NEXMIF: variants seen among roughly 807,000 people sequenced by gnomAD.
The protein encoded by NEXMIF is neurite extension and migration factor.
NEXMIF carries 8 observed loss-of-function variants against 62.1 expected under a neutral mutation model. That is an observed-to-expected ratio of 0.13 (90% confidence interval 0.08 to 0.23). NEXMIF has a LOEUF of 0.23. Ranked by LOEUF, NEXMIF falls within the 10% of genes least tolerant of loss-of-function variation. The pLI, the probability that NEXMIF is intolerant of heterozygous loss-of-function variation, is 1.00. For synonymous variants in NEXMIF, 404 were observed against 416.6 expected (o/e 0.97, Z 0.37); for missense variants, 976 against 1,113.3 (o/e 0.88, Z 1.75).
intron 1 of NEXMIF, among the ~76,000 whole-genome samples, chrX:74,854,638 T>C (rs1166265640): frequency 9.0e-6 from 1 of 111,385 alleles, no homozygotes; most frequent in Non-Finnish European, 1.9e-5. Context: ...AGTCAAACTA[T>C]CCACCTCTGC....
chrX:74,875,958 T>A (rs990165721), intron 1 of NEXMIF, among the ~76,000 whole-genome samples: 2 of 111,677 alleles, frequency 1.8e-5, no homozygotes, highest in African/African-American at 6.5e-5. Flanking sequence ...CCTAGATTCA[T>A]TAATTTTTTG....
intron 1 of NEXMIF, among the ~76,000 whole-genome samples, chrX:74,815,157 G>T (rs945678737): frequency 8.9e-6 from 1 of 112,089 alleles, no homozygotes; most frequent in African/African-American, 3.2e-5. Flanking sequence ...TAATTTTCCA[G>T]CTTCATCAGA....
At position 74,744,235 on chromosome X, in the gene NEXMIF, C is replaced by T. The variant is rs1399619958; in HGVS notation, c.322G>A (p.Gly108Ser). The T allele has an allele frequency of 9.1e-6, 11 of 1,209,542 alleles. No homozygotes were observed. The highest frequency in any genetic ancestry group is 1.2e-5 in the Non-Finnish European group (11 of 895,095). The change falls in exon 3 of 4, where the codon GGC becomes AGC. Residue 108 changes from glycine (G) to serine (S), a missense_variant. By Grantham distance (56) the Gly-to-Ser change is moderately conservative. This residue lies in a region of NEXMIF where 126 missense variants were observed against 146.5 expected (regional missense o/e 0.86). Coordinates refer to ENST00000055682, the MANE Select transcript of NEXMIF (RefSeq NM_001008537.3). The stretch of plus-strand genomic sequence containing the variant: ...TTGGGAAGTGACCATGTGTTCAGGC[C>T]TTTTGCAATGCCAGATGTGAGGGAG... ...AISLTSGIAK[G>S]LNTWSLPNEC...
chrX:74,757,905 C>CTGTTAGCT (rs1297341066), intron 1 of NEXMIF, among the ~76,000 whole-genome samples: 1 of 111,874 alleles, frequency 8.9e-6, no homozygotes, highest in African/African-American at 3.2e-5. Flanking sequence ...TTCATGTTCT[C>CTGTTAGCT]TGTTAGCTTG....
At chrX:74,803,571 AAAATAAATAAAT>A (rs750643080) in intron 1 of NEXMIF, among the ~76,000 whole-genome samples, 5 of 108,773 alleles carry the variant, frequency 4.6e-5, no homozygotes, top group African/African-American at 6.7e-5. Flanking sequence ...CTGTCTCAAA[AAAATAAATAAAT>A]AAATAAATAA....
intron 1 of NEXMIF, among the ~76,000 whole-genome samples, chrX:74,786,425 T>C (rs1308929353): frequency 9.0e-6 from 1 of 111,363 alleles, no homozygotes; most frequent in Non-Finnish European, 1.9e-5. Flanking sequence ...AGATTGGTTT[T>C]TATCATACAT....
At chrX:74,885,314 AAT>A (rs1035821177) in intron 1 of NEXMIF, among the ~76,000 whole-genome samples, 5 of 111,795 alleles carry the variant, frequency 4.5e-5, no homozygotes, top group Non-Finnish European at 7.5e-5. Context: ...AACTGAAGGA[AAT>A]AGAGACACAA....
chrX:74,910,024 G>A (rs1236542395), intron 1 of NEXMIF, among the ~76,000 whole-genome samples: 1 of 112,727 alleles, frequency 8.9e-6, no homozygotes, highest in Non-Finnish European at 1.9e-5. Context: ...AGCCCTCACG[G>A]AGAACCTCTG....
chrX:74,751,104 C>A (rs1228837084), intron 1 of NEXMIF, among the ~76,000 whole-genome samples: 1 of 111,162 alleles, frequency 9.0e-6, no homozygotes, highest in Non-Finnish European at 1.9e-5. Context: ...GTGGCACGTG[C>A]CTGTAGTCCC....
chrX:74,897,299 T>TA (rs1227677456), intron 1 of NEXMIF, among the ~76,000 whole-genome samples: 1 of 112,097 alleles, frequency 8.9e-6, no homozygotes, highest in Non-Finnish European at 1.9e-5. Flanking sequence ...CTAACTGCCC[T>TA]ACCTACCTCC....
chrX:74,803,504 C>T (rs940728178), intron 1 of NEXMIF, among the ~76,000 whole-genome samples: 4 of 110,899 alleles, frequency 3.6e-5, no homozygotes, highest in Admixed American at 9.6e-5. Context: ...GGAGGCGGAG[C>T]TTGCAGTGAG....
At chrX:74,818,116 T>A (rs754740250) in intron 1 of NEXMIF, among the ~76,000 whole-genome samples, 1 of 109,270 alleles carries the variant, frequency 9.2e-6, no homozygotes, top group African/African-American at 3.3e-5. Context: ...ATAAAAAAAA[T>A]TATAAAAAAA....
chrX:74,742,590 C>A lies in NEXMIF; in HGVS notation c.1967G>T (p.Cys656Phe). 1 of 1,209,656 alleles carries A rather than the reference C, an allele frequency of 8.3e-7. No individual in the cohort carries two copies. Among genetic ancestry groups the A allele is most frequent in the African/African-American group, 1.7e-5 (1 of 57,723 alleles). The change falls in exon 3 of 4, where the codon TGT (cysteine) becomes TTT (phenylalanine). Residue 656 changes from cysteine (C) to phenylalanine (F), a missense_variant. By Grantham distance (205) the Cys-to-Phe change is radical. Around this residue, in one of 5 missense-constraint regions of NEXMIF, gnomAD observed 639 missense variants for 694.5 expected, o/e 0.92. Coordinates refer to ENST00000055682, the MANE Select transcript of NEXMIF (RefSeq NM_001008537.3). ...ISASSKQISL[C>F]NDQRHASNHK... ...ATTACTAGCGTGCCTCTGATCATTA[C>A]ATAATGAAATCTGTTTACTACTTGC... is the stretch of plus-strand genomic sequence containing the variant.
intron 1 of NEXMIF, among the ~76,000 whole-genome samples, chrX:74,900,378 C>T (rs1056169653): frequency 3.8e-5 from 4 of 105,960 alleles, no homozygotes; most frequent in African/African-American, 1.0e-4. Flanking sequence ...GCAGGGGAAT[C>T]GCTTCAACCC....
At chrX:74,836,157 TG>T (rs1163171081) in intron 1 of NEXMIF, among the ~76,000 whole-genome samples, 1 of 112,321 alleles carries the variant, frequency 8.9e-6, no homozygotes. Context: ...TAGCTTGTGC[TG>T]AATACTGCCA....
intron 1 of NEXMIF, among the ~76,000 whole-genome samples, chrX:74,918,166 T>C: frequency 9.0e-6 from 1 of 110,960 alleles, no homozygotes; most frequent in Non-Finnish European, 1.9e-5. Context: ...AGCACGGAGG[T>C]TTAAACTCAC....
In NEXMIF at chrX:74,742,962, G is replaced by T. The variant is rs772899234; in HGVS notation, c.1595C>A (p.Thr532Asn). 2.5e-6 allele frequency: 3 copies of T among 1,210,870 alleles called. No homozygotes were observed. The highest frequency in any genetic ancestry group is 3.4e-6 in the Non-Finnish European group (3 of 894,981). Residue 532 changes from threonine to asparagine, a missense_variant, in exon 3 of 4, where the codon ACC becomes AAC. Transcript: ENST00000055682. ...GATAATAACAGGGGGCTCCTTACGGGTTACTTTTCTTCTCTTTTTGGGACA... is the reference window on the plus strand; with the variant it reads ...GATAATAACAGGGGGCTCCTTACGGTTTACTTTTCTTCTCTTTTTGGGACA... ...EWCPKKRRKV[T>N]RKEPPVIIKY...
At chrX:74,908,114 C>G (rs779411043) in intron 1 of NEXMIF, among the ~76,000 whole-genome samples, 41 of 111,591 alleles carry the variant, frequency 3.7e-4, no homozygotes, top group South Asian at 7.6e-4. Flanking sequence ...GGAGTGGGGC[C>G]TAGAGCCATA....
intron 1 of NEXMIF, among the ~76,000 whole-genome samples, chrX:74,762,119 C>T (rs2080178500): frequency 1.1e-5 from 1 of 89,752 alleles, no homozygotes; most frequent in African/African-American, 4.0e-5. Context: ...CTGCCCCCTC[C>T]CCCCACCCCA....
Sources: allele counts gnomAD v4.1 joint callset (sites outside exome capture counted in the v4.1 genomes callset), GRCh38; gene constraint gnomAD v4.1.1; regional missense constraint gnomAD v4.1.1; transcripts MANE v1.5; gene names NCBI Gene and HGNC (gene_info 2026-07-23, HGNC 2026-07-21).